The following LPP variants were observed in gnomAD, a reference collection of about 807,000 sequenced individuals.
The protein encoded by LPP is LIM domain containing preferred translocation partner in lipoma.
Under a neutral mutation model 60.4 loss-of-function variants are expected in LPP, and 38 were observed. The observed-to-expected ratio is 0.63, with a 90% confidence interval of 0.49 to 0.83. LPP has a LOEUF of 0.83. Ranked by LOEUF, LPP falls within the 40% of genes least tolerant of loss-of-function variation. The probability of loss-of-function intolerance (pLI) is 0.00; values close to 1 mark genes in which losing one functional copy is unlikely to be tolerated. For synonymous variants in LPP, 328 were observed against 290.8 expected, an observed-to-expected ratio of 1.13 and a Z score of -1.30; for missense variants, 902 against 783.6, an observed-to-expected ratio of 1.15 and a Z score of -1.80.
chr3:188,470,331 C>G (rs1424801030), intron 4 of LPP, among the ~76,000 whole-genome samples: 1 of 146,324 alleles, frequency 6.8e-6, no homozygotes. Flanking sequence ...CACACATAAA[C>G]CACATACACA....
chr3:188,180,749 T>C (rs991050344), intron 1 of LPP: 1 of 149,756 alleles, frequency 6.7e-6, no homozygotes, highest in Non-Finnish European at 1.5e-5. Context: ...CATTTTCATA[T>C]CTTGCCACTT....
chr3:188,784,234 T>C (rs1198655343), intron 9 of LPP, among the ~76,000 whole-genome samples: 3 of 151,106 alleles, frequency 2.0e-5, no homozygotes, highest in Non-Finnish European at 1.5e-5. Context: ...TTCATCCAGG[T>C]CACTGTGAAT....
chr3:188,682,183 T>C (rs577799239), intron 7 of LPP, among the ~76,000 whole-genome samples: 1 of 152,354 alleles, frequency 6.6e-6, no homozygotes, highest in South Asian at 2.1e-4. Context: ...TTTTTCTATT[T>C]CCTTATTCTC....
intron 8 of LPP, among the ~76,000 whole-genome samples, chr3:188,714,499 A>G (rs1375043234): frequency 6.6e-6 from 1 of 152,116 alleles, no homozygotes; most frequent in African/African-American, 2.4e-5. Flanking sequence ...GGAGAAGGCA[A>G]ATCACTAATA....
chr3:188,374,810 T>G (rs1774453505), intron 3 of LPP, among the ~76,000 whole-genome samples: 1 of 152,134 alleles, frequency 6.6e-6, no homozygotes, highest in South Asian at 2.1e-4. Flanking sequence ...TGCTTCCAGT[T>G]TTTGCCCATT....
chr3:188,582,336 TTTTTCTTTTTTCTG>T (rs1473426874), intron 6 of LPP, among the ~76,000 whole-genome samples: 4 of 151,736 alleles, frequency 2.6e-5, no homozygotes, highest in Non-Finnish European at 4.4e-5. Context: ...TTTTTTTTCT[TTTTTCTTTTTTCTG>T]TTTTCTTTTT....
intron 2 of LPP, among the ~76,000 whole-genome samples, chr3:188,255,628 T>C (rs1038580120): frequency 6.6e-6 from 1 of 152,226 alleles, no homozygotes; most frequent in Non-Finnish European, 1.5e-5. Context: ...CCTATAGTGT[T>C]TAATTCATAG....
chr3:188,240,721 C>A, intron 2 of LPP, among the ~76,000 whole-genome samples: 1 of 152,280 alleles, frequency 6.6e-6, no homozygotes, highest in African/African-American at 2.4e-5. Context: ...CTTTGGGATT[C>A]TTCCCTCAGA....
chr3:188,360,585 A>T (rs1768998190), intron 3 of LPP, among the ~76,000 whole-genome samples: 2 of 151,756 alleles, frequency 1.3e-5, no homozygotes, highest in Admixed American at 6.6e-5. Context: ...TTGAATTCCT[A>T]GGCTCAAGCG....
intron 4 of LPP, among the ~76,000 whole-genome samples, chr3:188,448,851 A>T (rs1403828421): frequency 6.6e-6 from 1 of 152,044 alleles, no homozygotes; most frequent in Non-Finnish European, 1.5e-5. Flanking sequence ...TTTCTGAAAA[A>T]CCTTGGAATT....
intron 6 of LPP, among the ~76,000 whole-genome samples, chr3:188,550,088 G>C (rs888995079): frequency 2.0e-5 from 3 of 152,182 alleles, no homozygotes; most frequent in African/African-American, 7.2e-5. Flanking sequence ...CAAAGAGGAT[G>C]CTGTTTTTGT....
At chr3:188,808,761 A>T (rs1268256494) in intron 9 of LPP, among the ~76,000 whole-genome samples, 1 of 152,112 alleles carries the variant, frequency 6.6e-6, no homozygotes, top group East Asian at 1.9e-4. Flanking sequence ...GGTTTGCTGC[A>T]CCTATCAACC....
At chr3:188,678,986 T>C (rs1858787932) in intron 7 of LPP, among the ~76,000 whole-genome samples, 1 of 152,204 alleles carries the variant, frequency 6.6e-6, no homozygotes, top group Admixed American at 6.5e-5. Flanking sequence ...TGAGAACACA[T>C]GGGAAGATGC....
At chr3:188,692,470 T>A (rs1028196942) in intron 7 of LPP, among the ~76,000 whole-genome samples, 15 of 152,232 alleles carry the variant, frequency 9.9e-5, no homozygotes, top group African/African-American at 3.6e-4. Flanking sequence ...TCTTGCTAGA[T>A]CTCTGGATAT....
intron 7 of LPP, among the ~76,000 whole-genome samples, chr3:188,679,519 C>CTGTGTGTGTGTG (rs56733573): frequency 1.4e-4 from 20 of 143,204 alleles, no homozygotes; most frequent in African/African-American, 5.2e-4. Flanking sequence ...TTTGAATACT[C>CTGTGTGTGTGTG]TGTGTGTGTG....
At chr3:188,177,281 C>T (rs1023738631) in intron 1 of LPP, among the ~76,000 whole-genome samples, 5 of 152,182 alleles carry the variant, frequency 3.3e-5, no homozygotes, top group African/African-American at 1.2e-4. Context: ...TAGACAGACC[C>T]AGGCCTGGGA....
chr3:188,457,739 A>AAAATAT (rs1553903685), intron 4 of LPP, among the ~76,000 whole-genome samples: 2 of 140,072 alleles, frequency 1.4e-5, no homozygotes, highest in South Asian at 2.3e-4. Context: ...AAAAAAAAAA[A>AAAATAT]ATATATATAT....
intron 1 of LPP, among the ~76,000 whole-genome samples, chr3:188,223,477 A>G (rs1716583079): frequency 6.6e-6 from 1 of 152,192 alleles, no homozygotes; most frequent in Admixed American, 6.5e-5. Context: ...TTGCATGGGA[A>G]CTTCAATCAT....
At chr3:188,533,961 T>C (rs1822891268) in intron 6 of LPP, among the ~76,000 whole-genome samples, 1 of 152,266 alleles carries the variant, frequency 6.6e-6, no homozygotes. Flanking sequence ...CAACGTTAGC[T>C]TTAAATAAAT....
Sources: gnomAD v4.1 joint callset for allele counts (sites outside exome capture counted in the v4.1 genomes callset) on GRCh38, gnomAD v4.1.1 for gene constraint, MANE v1.5 for transcripts, NCBI Gene and HGNC (gene_info 2026-07-23, HGNC 2026-07-21) for gene names.